ITIH2: variants seen among roughly 807,000 people sequenced by gnomAD.
ITIH2 encodes inter-alpha-trypsin inhibitor heavy chain H2.
ITIH2 carries 103 observed loss-of-function variants against 104.4 expected under a neutral mutation model. The ratio of observed to expected loss-of-function variants is 0.99; its 90% CI spans 0.84 to 1.16. The LOEUF is 1.16. Ranked by LOEUF, ITIH2 falls within the 50% of genes most tolerant of loss-of-function variation. The probability of loss-of-function intolerance (pLI) is 0.00; values close to 1 mark genes in which losing one functional copy is unlikely to be tolerated. For synonymous variants in ITIH2, 436 were observed against 435.4 expected, an observed-to-expected ratio of 1.00 and a Z score of -0.02; for missense variants, 1,108 against 1,162.4, an observed-to-expected ratio of 0.95 and a Z score of 0.68.
chr10:7,744,560 T>C (rs893718541), intron 18 of ITIH2, among the ~76,000 whole-genome samples: 2 of 152,200 alleles, frequency 1.3e-5, no homozygotes, highest in Non-Finnish European at 1.5e-5. Context: ...CTGAAATCCA[T>C]ACTGACTCTA....
chr10:7,745,105 C>T (rs529214508), intron 19 of ITIH2, 142 bp downstream of exon 19: 112 of 665,616 alleles, frequency 1.7e-4, no homozygotes, highest in South Asian at 3.8e-4. Flanking sequence ...TGGGGTCGCT[C>T]GGGAATGTGA....
intron 17 of ITIH2, 95 bp downstream of exon 17, chr10:7,743,354 G>A (rs931972861): frequency 1.3e-5 from 9 of 688,340 alleles, no homozygotes; most frequent in African/African-American, 1.3e-4. Context: ...CTTAATAGAA[G>A]TTCTATATAT....
At chr10:7,741,105 G>T (rs553735582) in intron 16 of ITIH2, among the ~76,000 whole-genome samples, 9 of 150,064 alleles carry the variant, frequency 6.0e-5, no homozygotes, top group Non-Finnish European at 1.0e-4. Flanking sequence ...AATTTTCTTC[G>T]AACAGAATAT....
At chr10:7,731,752 G>A (rs1198384757) in intron 12 of ITIH2, 59 bp from the exon 13 acceptor site, 50 of 1,184,100 alleles carry the variant, frequency 4.2e-5, no homozygotes, top group Non-Finnish European at 1.2e-6. Context: ...AAAATAAAAT[G>A]CTTTAGATCT....
intron 6 of ITIH2, among the ~76,000 whole-genome samples, chr10:7,718,267 C>A (rs1834869287): frequency 6.6e-6 from 1 of 152,182 alleles, no homozygotes; most frequent in Admixed American, 6.5e-5. Context: ...GCCCCTCTGC[C>A]TTTCTCTCAC....
intron 11 of ITIH2, among the ~76,000 whole-genome samples, chr10:7,728,558 T>A (rs1173625617): frequency 1.3e-5 from 2 of 151,458 alleles, no homozygotes; most frequent in African/African-American, 4.8e-5. Flanking sequence ...ATTTCTTTTT[T>A]TTCTTTCTTT....
chr10:7,730,380 A>T (rs373434459), intron 12 of ITIH2, among the ~76,000 whole-genome samples: 12 of 152,194 alleles, frequency 7.9e-5, no homozygotes, highest in African/African-American at 2.9e-4. Flanking sequence ...CCCCCTGAAC[A>T]AAAAGGCCTT....
At position 7,745,467 on chromosome 10, in the gene ITIH2, A is replaced by G. The variant is rs375693854; in HGVS notation, c.2581+504A>G. Reference sequence around the variant, plus strand: ...GACCAACCTCATGTATAAAATGACCATGAGCTCCAGGCATGGTGGCTCGTG... The same window carrying G: ...GACCAACCTCATGTATAAAATGACCGTGAGCTCCAGGCATGGTGGCTCGTG... On this transcript the variant is annotated intron_variant, in intron 19 of 20. Transcript: ENST00000358415. 4.5e-4 allele frequency among the ~76,000 whole-genome samples: 68 copies of G among 152,178 alleles called. No homozygotes were observed. The East Asian group carries it at 8.4e-3, about 19-fold the overall frequency.
chr10:7,709,777 T>A (rs1243400504), intron 4 of ITIH2, among the ~76,000 whole-genome samples: 1 of 152,214 alleles, frequency 6.6e-6, no homozygotes, highest in Non-Finnish European at 1.5e-5. Context: ...CTAGTGATAA[T>A]CACATAGAAT....
chr10:7,710,529 T>G (rs1482915674), intron 4 of ITIH2, among the ~76,000 whole-genome samples: 1 of 151,286 alleles, frequency 6.6e-6, no homozygotes, highest in Non-Finnish European at 1.5e-5. Context: ...GTCTGGCTAT[T>G]TTTTTTTTAT....
intron 15 of ITIH2, among the ~76,000 whole-genome samples, chr10:7,737,177 G>C (rs1564305283): frequency 6.6e-6 from 1 of 151,042 alleles, no homozygotes; most frequent in African/African-American, 2.4e-5. Context: ...TAGGAGAAAA[G>C]GCTTTCTTTA....
intron 11 of ITIH2, among the ~76,000 whole-genome samples, chr10:7,728,769 T>G (rs1264910564): frequency 1.3e-5 from 2 of 152,124 alleles, no homozygotes; most frequent in African/African-American, 4.8e-5. Flanking sequence ...TGCCTGAGTG[T>G]GCTGTCGTAC....
Position 7,746,722 on chromosome 10 carries a change from GGACAGT to G in ITIH2, c.2693+22_2693+27del. 1 of 1,512,138 alleles carries G rather than the reference GGACAGT, an allele frequency of 6.6e-7. No homozygotes were observed. 93.7% of individuals were successfully genotyped at this position (1,512,138 alleles called of 1,614,324 possible). A position where few individuals can be genotyped will look rare whatever the true frequency, so the allele number is the denominator to read the frequency against. On this transcript the variant is annotated intron_variant, in intron 20 of 20. Transcript: ENST00000358415. ...ATCACCAGGTAGGCCTCGGGCGTAA[GGACAGT>G]GACGAAAAGGCCTTGTGTTAGAATT...
intron 6 of ITIH2, 98 bp from the exon 7 acceptor site, chr10:7,720,758 G>A (rs763563853): frequency 7.9e-5 from 57 of 722,876 alleles, no homozygotes; most frequent in Non-Finnish European, 1.3e-4. Flanking sequence ...ACCTGCGGAG[G>A]AGAAAAGCAT....
At chr10:7,717,873 A>G in intron 6 of ITIH2, 85 bp downstream of exon 6, 2 of 1,368,998 alleles carry the variant, frequency 1.5e-6, no homozygotes, top group South Asian at 2.6e-5. Context: ...TGTCACTAGC[A>G]CTTGTGGTGT....
chr10:7,708,583 C>A (rs577595843), intron 3 of ITIH2, among the ~76,000 whole-genome samples: 1 of 152,130 alleles, frequency 6.6e-6, no homozygotes, highest in East Asian at 1.9e-4. Context: ...GTGTTTCCAC[C>A]CCACAGCACC....
intron 18 of ITIH2, 147 bp from the exon 19 acceptor site, chr10:7,744,644 T>C (rs1221597901): frequency 1.5e-6 from 1 of 677,702 alleles, no homozygotes; most frequent in Admixed American, 3.0e-5. Context: ...TGTTAATCCA[T>C]CATTTATCTA....
intron 1 of ITIH2, among the ~76,000 whole-genome samples, chr10:7,703,848 T>C (rs1042248047): frequency 2.0e-5 from 3 of 152,200 alleles, no homozygotes; most frequent in African/African-American, 7.2e-5. Context: ...AATGACACAG[T>C]GTAAACTCTT....
chr10:7,709,287 C>A, intron 4 of ITIH2, 96 bp downstream of exon 4: 1 of 1,109,956 alleles, frequency 9.0e-7, no homozygotes. Context: ...GTCAACTGTC[C>A]CAGAGGACCG....
Sources: gnomAD v4.1 joint callset for allele counts (sites outside exome capture counted in the v4.1 genomes callset) on GRCh38, gnomAD v4.1.1 for gene constraint, MANE v1.5 for transcripts, NCBI Gene and HGNC (gene_info 2026-07-23, HGNC 2026-07-21) for gene names.